The following PCDHGA12 variants were observed in gnomAD, a reference collection of about 807,000 sequenced individuals.
The protein encoded by PCDHGA12 is protocadherin gamma subfamily A, 12.
Under a neutral mutation model 61.1 loss-of-function variants are expected in PCDHGA12, and 43 were observed. The ratio of observed to expected loss-of-function variants is 0.70; its 90% CI spans 0.55 to 0.91. PCDHGA12 has a LOEUF of 0.91. Among genes scored for constraint, PCDHGA12 ranks in the 40% least tolerant of loss-of-function variants. PCDHGA12 has a pLI of 0.00. For missense variants in PCDHGA12, 1,236 were observed against 1,227.7 expected (o/e 1.01, Z -0.10); for synonymous variants, 520 against 542.9 (o/e 0.96, Z 0.59).
chr5:141,509,809 A>G (rs13163163), intron 3 of PCDHGA12, among the ~76,000 whole-genome samples: 35,240 of 151,962 alleles, frequency 0.23, 4,247 homozygotes, highest in Admixed American at 0.33. Context: ...CATAGAGCCG[A>G]GCTCTTCTCC....
chr5:141,433,823 G>T (rs555746621), intron 1 of PCDHGA12, among the ~76,000 whole-genome samples: 2 of 144,288 alleles, frequency 1.4e-5, no homozygotes, highest in Non-Finnish European at 3.0e-5. Context: ...GGCAACAAGA[G>T]TGAAACTCTA....
Position 141,489,826 on chromosome 5 carries a change from C to T in PCDHGA12, c.2425-4981C>T, listed in dbSNP as rs1270077118. 1 of 1,614,186 alleles carries T rather than the reference C, an allele frequency of 6.2e-7. No individual in the cohort carries two copies. The highest frequency in any genetic ancestry group is 1.7e-5 in the Admixed American group (1 of 60,028). On this transcript the variant is annotated intron_variant, in intron 1 of 3. Coordinates refer to ENST00000252085, the MANE Select transcript of PCDHGA12 (RefSeq NM_003735.3). The surrounding 1 kb of genome is among the most constrained non-coding windows in gnomAD (Gnocchi z 4.5). ...TGGGAAGCCATTCCCAGAGCTGGTGCTAGAGCAGCAGCTGGATCGTGAAGC... is the reference window on the plus strand; with the variant it reads ...TGGGAAGCCATTCCCAGAGCTGGTGTTAGAGCAGCAGCTGGATCGTGAAGC...
chr5:141,478,549 A>G lies in PCDHGA12; in HGVS notation c.2425-16258A>G, dbSNP rs369095515. 8 of 1,602,904 alleles carry G rather than the reference A, an allele frequency of 5.0e-6. No individual in the cohort carries two copies. In the African/African-American group the frequency reaches 1.1e-4, roughly 21 times the overall value. On this transcript the variant is annotated intron_variant, in intron 1 of 3. Coordinates refer to ENST00000252085, the MANE Select transcript of PCDHGA12 (RefSeq NM_003735.3). ...CAGAGAGCGCCCCTCCCGGACAGGT[A>G]AGGTTTAGCAAGTCATGCTTGACCC...
chr5:141,501,290 TACACACACACACACACACAC>T (rs55762287), intron 2 of PCDHGA12, among the ~76,000 whole-genome samples: 1 of 136,162 alleles, frequency 7.3e-6, no homozygotes, highest in Non-Finnish European at 1.6e-5. Flanking sequence ...TATTCCCTTA[TACACACACACACACACACAC>T]ACACACACAC....
In PCDHGA12 at chr5:141,491,942, C is replaced by A; in HGVS notation, c.2425-2865C>A. The A allele has an allele frequency of 8.9e-7, 1 of 1,122,490 alleles. No individual in the cohort carries two copies. The highest frequency in any genetic ancestry group is 1.2e-6 in the Non-Finnish European group (1 of 824,374). 69.5% of individuals were successfully genotyped at this position (1,122,490 alleles called of 1,614,324 possible). The stretch of plus-strand genomic sequence containing the variant: ...GGCGAGGGGAGGTGGGACCGACCCC[C>A]ACCCCTACACTCAAAAAAGGCCGGG... On this transcript the variant is annotated intron_variant, in intron 1 of 3. Transcript: ENST00000252085. The surrounding 1 kb of genome is among the most constrained non-coding windows in gnomAD (Gnocchi z 6.9).
In PCDHGA12 at chr5:141,490,647, G is replaced by T; in HGVS notation, c.2425-4160G>T. 6.2e-7 allele frequency: 1 copy of T among 1,614,084 alleles called. No homozygotes were observed. Among genetic ancestry groups the T allele is most frequent in the Non-Finnish European group, 8.5e-7 (1 of 1,180,014 alleles). ...CTTACATCCTAGAAAACCGGCCTCCGGGCTCCCTTCTTTGCACTGTGGCTG... is the reference window on the plus strand; with the variant it reads ...CTTACATCCTAGAAAACCGGCCTCCTGGCTCCCTTCTTTGCACTGTGGCTG... On this transcript the variant is annotated intron_variant, in intron 1 of 3. Transcript: ENST00000252085. This position sits in a 1 kb window ranked among gnomAD's most constrained non-coding sequence, Gnocchi z 5.4.
intron 1 of PCDHGA12, among the ~76,000 whole-genome samples, chr5:141,464,155 C>T (rs2099076990): frequency 1.3e-5 from 2 of 151,614 alleles, no homozygotes; most frequent in African/African-American, 4.8e-5. Flanking sequence ...GTCCCAGCTA[C>T]TTGGAAGGCT....
In PCDHGA12 at chr5:141,490,442, A is replaced by T. The variant is rs757900187; in HGVS notation, c.2425-4365A>T. On this transcript the variant is annotated intron_variant, in intron 1 of 3. Transcript: ENST00000252085. The surrounding 1 kb of genome is among the most constrained non-coding windows in gnomAD (Gnocchi z 5.4). ...CTGCCATTTCAGATTAAGCCTTCTG[A>T]GAACCACTACTCGCTGCTAACCAGC... 16 of 1,614,092 alleles carry T rather than the reference A, an allele frequency of 9.9e-6. No individual in the cohort carries two copies. Among genetic ancestry groups the T allele is most frequent in the Non-Finnish European group, 1.2e-5 (14 of 1,180,044 alleles).
Position 141,486,617 on chromosome 5 carries a change from C to G in PCDHGA12, c.2425-8190C>G. ...GCTTTGCTCCCTTGCAGCCTCTGAC[C>G]CAGACTCTGGCTTGAATGCGCTTAT... On this transcript the variant is annotated intron_variant, in intron 1 of 3. Transcript: ENST00000252085. This position sits in a 1 kb window ranked among gnomAD's most constrained non-coding sequence, Gnocchi z 5.0. 1 of 1,613,602 alleles carries G rather than the reference C, an allele frequency of 6.2e-7. No homozygotes were observed. Among genetic ancestry groups the G allele is most frequent in the South Asian group, 1.1e-5 (1 of 91,086 alleles).
At position 141,430,576 on chromosome 5, in the gene PCDHGA12, T is replaced by G. The variant is rs767759432; in HGVS notation, c.-184T>G. On this transcript the variant is annotated 5_prime_UTR_variant, in exon 1 of 4. Coordinates refer to ENST00000252085, the MANE Select transcript of PCDHGA12 (RefSeq NM_003735.3). ...CCAATCGGGGAGAGAAAAGCGGAGA[T>G]CCTGCTCGCCTTGCACGCGCCTGAA... 3.3e-5 allele frequency: 15 copies of G among 459,492 alleles called. No individual in the cohort carries two copies. The highest frequency in any genetic ancestry group is 5.5e-5 in the Non-Finnish European group (15 of 273,138). 28.5% of individuals were successfully genotyped at this position (459,492 alleles called of 1,614,324 possible). A position where few individuals can be genotyped will look rare whatever the true frequency, so the allele number is the denominator to read the frequency against.
Position 141,477,483 on chromosome 5 carries a change from A to G in PCDHGA12, c.2425-17324A>G. The G allele has an allele frequency of 6.2e-7, 1 of 1,614,028 alleles. No individual in the cohort carries two copies. On this transcript the variant is annotated intron_variant, in intron 1 of 3. Coordinates refer to ENST00000252085, the MANE Select transcript of PCDHGA12 (RefSeq NM_003735.3). The surrounding 1 kb of genome is among the most constrained non-coding windows in gnomAD (Gnocchi z 4.9). ...TCCGACATCAATGACAACCCTCCAC[A>G]ATCTTCTCAATCTTCCTACGACGTT...
chr5:141,472,465 A>C (rs886879646), intron 1 of PCDHGA12, among the ~76,000 whole-genome samples: 4 of 152,032 alleles, frequency 2.6e-5, no homozygotes, highest in Non-Finnish European at 5.9e-5. Flanking sequence ...GCTTGAACCC[A>C]GAAGGCAGAG....
Position 141,430,898 on chromosome 5 carries a change from G to A in PCDHGA12, c.139G>A (p.Asp47Asn). 6.2e-7 allele frequency: 1 copy of A among 1,605,834 alleles called. No homozygotes were observed. The highest frequency in any genetic ancestry group is 2.2e-5 in the East Asian group (1 of 44,838). ...EELEKGSRVG[D>N]ISRDLGLEPR... ...GCTGGAGAAAGGCTCTAGGGTGGGC[G>A]ACATCTCCAGGGACCTGGGGCTGGA... Residue 47 changes from aspartate to asparagine, a missense_variant, in exon 1 of 4, where the codon GAC (aspartate) becomes AAC (asparagine). By Grantham distance (23) the Asp-to-Asn change is conservative. Coordinates refer to ENST00000252085, the MANE Select transcript of PCDHGA12 (RefSeq NM_003735.3).
chr5:141,509,602 C>T (rs921950654), intron 3 of PCDHGA12, among the ~76,000 whole-genome samples: 8 of 152,194 alleles, frequency 5.3e-5, no homozygotes, highest in Non-Finnish European at 8.8e-5. Context: ...TTCCGAGAGG[C>T]TGCATTCTAA....
rs562156266 is a variant in PCDHGA12, at chr5:141,467,826, T to C, written c.2425-26981T>C. On this transcript the variant is annotated intron_variant, in intron 1 of 3. Transcript: ENST00000252085. ...GGCACATGCCACCACACCAGGCTGA[T>C]TTTTATATTTTTTTGTAGAATGAGA... Among the ~76,000 whole-genome samples, 96 of 151,894 alleles carry C rather than the reference T, an allele frequency of 6.3e-4. 3 individuals carry two copies. Among genetic ancestry groups the C allele is most frequent in the Admixed American group, 6.2e-3 (95 of 15,236 alleles).
At chr5:141,479,740 C>T (rs1434967266) in intron 1 of PCDHGA12, 1 of 152,168 alleles carries the variant, frequency 6.6e-6, no homozygotes, top group Non-Finnish European at 1.5e-5. Context: ...AGTATATGCA[C>T]AATGTGAAAG....
chr5:141,467,781 C>G (rs2099151581), intron 1 of PCDHGA12, among the ~76,000 whole-genome samples: 1 of 152,228 alleles, frequency 6.6e-6, no homozygotes, highest in East Asian at 1.9e-4. Context: ...ACCTCAGCCT[C>G]TCAAGTAGCT....
In PCDHGA12 at chr5:141,435,189, G is replaced by A. The variant is rs569176993; in HGVS notation, c.2424+2006G>A. Among the ~76,000 whole-genome samples the A allele has an allele frequency of 5.3e-5, 8 of 152,166 alleles. No homozygotes were observed. The South Asian group carries it at 8.3e-4, about 16-fold the overall frequency. On this transcript the variant is annotated intron_variant, in intron 1 of 3. Coordinates refer to ENST00000252085, the MANE Select transcript of PCDHGA12 (RefSeq NM_003735.3). ...GTGGCTTTTAACTACACTTGAGATGGCTAGCAAATTCATAAAGTGAATTTA... is the reference window on the plus strand; with the variant it reads ...GTGGCTTTTAACTACACTTGAGATGACTAGCAAATTCATAAAGTGAATTTA...
At chr5:141,442,309 G>C (rs1483682583) in intron 1 of PCDHGA12, 1 of 152,418 alleles carries the variant, frequency 6.6e-6, no homozygotes, top group Non-Finnish European at 1.5e-5. Flanking sequence ...TCTTTCCCAC[G>C]GATGTCTATC....
Sources: allele counts gnomAD v4.1 joint callset (sites outside exome capture counted in the v4.1 genomes callset), GRCh38; gene constraint gnomAD v4.1.1; non-coding constraint Gnocchi (gnomAD v3.1); transcripts MANE v1.5; gene names NCBI Gene and HGNC (gene_info 2026-07-23, HGNC 2026-07-21).